Variants in SH3PXD2A observed in about 807,000 individuals in gnomAD.
SH3PXD2A encodes SH3 and PX domain-containing protein 2A.
In SH3PXD2A, 32 loss-of-function variants were observed where a neutral mutation model predicts 115.2. That is an observed-to-expected ratio of 0.28 (90% confidence interval 0.21 to 0.37). The LOEUF (loss-of-function observed/expected upper bound fraction) is 0.37, where lower values mean the gene tolerates loss of function less well. SH3PXD2A is among the 10% of genes least tolerant of loss of function. The pLI is 1.00. For synonymous variants in SH3PXD2A, 610 were observed against 629.1 expected (o/e 0.97, Z 0.45); for missense variants, 1,328 against 1,498.7 (o/e 0.89, Z 1.88).
intron 3 of SH3PXD2A, chr10:103,736,916 C>T (rs1332892314): frequency 7.3e-6 from 4 of 549,934 alleles, no homozygotes; most frequent in African/African-American, 1.9e-5. Flanking sequence ...CAGGATGCAG[C>T]CTAGTCAGCC....
intron 5 of SH3PXD2A, among the ~76,000 whole-genome samples, chr10:103,706,967 T>C (rs1005893403): frequency 1.3e-5 from 2 of 152,198 alleles, no homozygotes; most frequent in African/African-American, 2.4e-5. Flanking sequence ...TGACATCACC[T>C]TGGTTGTCAT....
At chr10:103,751,843 G>T (rs11592750) in intron 3 of SH3PXD2A, among the ~76,000 whole-genome samples, 1 of 151,906 alleles carries the variant, frequency 6.6e-6, no homozygotes, top group Admixed American at 6.5e-5. Flanking sequence ...AGCATCCCAA[G>T]AGACACCAAA....
intron 1 of SH3PXD2A, among the ~76,000 whole-genome samples, chr10:103,835,834 T>C (rs1460367238): frequency 1.3e-5 from 2 of 152,158 alleles, no homozygotes; most frequent in Non-Finnish European, 2.9e-5. Flanking sequence ...CTATACTTCC[T>C]CCTTGGCCTT....
chr10:103,638,115 A>G (rs755742718), intron 8 of SH3PXD2A, among the ~76,000 whole-genome samples: 5 of 152,110 alleles, frequency 3.3e-5, no homozygotes, highest in Non-Finnish European at 7.4e-5. Context: ...GCGTGCACCC[A>G]CACAGCCCCT....
At chr10:103,766,132 T>C (rs1241847321) in intron 3 of SH3PXD2A, among the ~76,000 whole-genome samples, 1 of 152,208 alleles carries the variant, frequency 6.6e-6, no homozygotes, top group African/African-American at 2.4e-5. Context: ...GAGGTGCCCC[T>C]ACATCCGTTT....
chr10:103,667,038 GC>G (rs753136551), intron 7 of SH3PXD2A, among the ~76,000 whole-genome samples: 22 of 152,164 alleles, frequency 1.4e-4, no homozygotes, highest in Non-Finnish European at 2.8e-4. Context: ...GCAACCTGAG[GC>G]CCCTGATCTA....
chr10:103,851,007 A>G (rs1337732196), intron 1 of SH3PXD2A, among the ~76,000 whole-genome samples: 2 of 152,096 alleles, frequency 1.3e-5, no homozygotes, highest in African/African-American at 4.8e-5. Flanking sequence ...ACAACTAGGA[A>G]GTGCCACAGG....
At chr10:103,830,810 C>T (rs2039476019) in intron 1 of SH3PXD2A, among the ~76,000 whole-genome samples, 1 of 152,124 alleles carries the variant, frequency 6.6e-6, no homozygotes, top group Non-Finnish European at 1.5e-5. Context: ...TCTGAGGACA[C>T]ACAGGCTTAG....
intron 1 of SH3PXD2A, among the ~76,000 whole-genome samples, chr10:103,818,416 C>A (rs2039345565): frequency 6.6e-6 from 1 of 152,226 alleles, no homozygotes; most frequent in African/African-American, 2.4e-5. Context: ...CTGTGCCTGG[C>A]TGGTTAAGGA....
chr10:103,734,487 G>A (rs1049433273), intron 4 of SH3PXD2A, among the ~76,000 whole-genome samples: 2 of 152,158 alleles, frequency 1.3e-5, no homozygotes, highest in South Asian at 2.1e-4. Flanking sequence ...GGTGGCTCAC[G>A]CCTGTAATCC....
chr10:103,625,720 C>T (rs540529457), intron 9 of SH3PXD2A, among the ~76,000 whole-genome samples: 8 of 152,240 alleles, frequency 5.3e-5, no homozygotes, highest in Admixed American at 3.3e-4. Context: ...GGCGAGACCC[C>T]GTCTCTACTA....
rs570620513 is a variant in SH3PXD2A, at chr10:103,620,598, C to G, written c.802+1872G>C. 5.9e-5 allele frequency among the ~76,000 whole-genome samples: 9 copies of G among 152,284 alleles called. No homozygotes were observed. The highest frequency in any genetic ancestry group is 8.8e-5 in the Non-Finnish European group (6 of 68,040). On this transcript the variant is annotated intron_variant, in intron 10 of 14. Coordinates refer to ENST00000369774, the MANE Select transcript of SH3PXD2A (RefSeq NM_001394015.1). The surrounding 1 kb of genome is among the most constrained non-coding windows in gnomAD (Gnocchi z 5.3). Reference sequence around the variant, plus strand: ...ACCTGCAGCCTGCCTCCCCGACCAGCTCTGCTGTTTGCAGCAAGCGTCTCC... The same window carrying G: ...ACCTGCAGCCTGCCTCCCCGACCAGGTCTGCTGTTTGCAGCAAGCGTCTCC...
At chr10:103,767,018 A>G in intron 3 of SH3PXD2A, 76 bp downstream of exon 3, 3 of 1,057,398 alleles carry the variant, frequency 2.8e-6, no homozygotes, top group Non-Finnish European at 4.4e-6. Flanking sequence ...GCTGCTTAGT[A>G]CTCTTCTCGG....
At chr10:103,841,199 C>T (rs2864001) in intron 1 of SH3PXD2A, among the ~76,000 whole-genome samples, 19,148 of 152,080 alleles carry the variant, frequency 0.13, 2,245 homozygotes, top group African/African-American at 0.31. Context: ...TGATCCAGGA[C>T]GCACCATGAT....
chr10:103,760,517 C>T (rs2134216774), intron 3 of SH3PXD2A, among the ~76,000 whole-genome samples: 1 of 152,206 alleles, frequency 6.6e-6, no homozygotes, highest in East Asian at 1.9e-4. Context: ...CTGCAGTGAG[C>T]TGTGACTGTA....
At chr10:103,699,858 C>A (rs1265485130) in intron 5 of SH3PXD2A, among the ~76,000 whole-genome samples, 1 of 152,200 alleles carries the variant, frequency 6.6e-6, no homozygotes, top group Non-Finnish European at 1.5e-5. Context: ...CCATTGTGAC[C>A]ATGTGGCTTG....
At chr10:103,622,204 C>G (rs1158881744) in intron 10 of SH3PXD2A, among the ~76,000 whole-genome samples, 2 of 152,076 alleles carry the variant, frequency 1.3e-5, no homozygotes, top group Non-Finnish European at 2.9e-5. Flanking sequence ...TCCTCAAGCC[C>G]CTGTACCTTT....
chr10:103,705,961 T>C (rs2037975082), intron 5 of SH3PXD2A, among the ~76,000 whole-genome samples: 1 of 147,976 alleles, frequency 6.8e-6, no homozygotes, highest in African/African-American at 2.5e-5. Flanking sequence ...ATCGTGCCAC[T>C]GCACTCCAGC....
At chr10:103,803,909 G>A (rs1478187489) in intron 1 of SH3PXD2A, among the ~76,000 whole-genome samples, 1 of 152,156 alleles carries the variant, frequency 6.6e-6, no homozygotes, top group African/African-American at 2.4e-5. Context: ...GATTTACATT[G>A]GTTCCATCTG....
Sources: gnomAD v4.1 joint callset for allele counts (sites outside exome capture counted in the v4.1 genomes callset) on GRCh38, gnomAD v4.1.1 for gene constraint, Gnocchi (gnomAD v3.1) non-coding constraint, MANE v1.5 for transcripts, NCBI Gene and HGNC (gene_info 2026-07-23, HGNC 2026-07-21) for gene names.